Variants in FBXO33 observed in about 807,000 individuals in gnomAD.
FBXO33 encodes F-box protein 33.
A neutral mutation model predicts 46.3 loss-of-function variants in FBXO33; 22 were observed. The observed-to-expected ratio is 0.48, with a 90% CI of 0.34 to 0.68. The LOEUF (loss-of-function observed/expected upper bound fraction) is 0.68. Ranked by LOEUF, FBXO33 falls within the 30% of genes least tolerant of loss-of-function variation. The pLI is 0.01. For synonymous variants in FBXO33, 337 were observed against 291.3 expected (o/e 1.16, Z -1.60); for missense variants, 692 against 708.8 (o/e 0.98, Z 0.27).
chr14:39,427,150 C>G (rs1435925729), intron 1 of FBXO33, among the ~76,000 whole-genome samples: 1 of 152,204 alleles, frequency 6.6e-6, no homozygotes, highest in Non-Finnish European at 1.5e-5. Flanking sequence ...GCTTAACACC[C>G]TCATTTAACA....
rs549281709 is a variant in FBXO33, at chr14:39,421,640, CA to C, written c.599+9923del. The stretch of plus-strand genomic sequence containing the variant: ...CACAAAGTTTCTGGGAGCAATTAAA[CA>C]GACTAACCCAAATTTATATAACATG... On this transcript the variant is annotated intron_variant, in intron 1 of 3. Transcript: ENST00000298097. 3.8e-4 allele frequency among the ~76,000 whole-genome samples: 58 copies of C among 152,282 alleles called. No homozygotes were observed. The East Asian group carries it at 0.011, about 28-fold the overall frequency.
chr14:39,405,274 G>A (rs1420760682), intron 1 of FBXO33, among the ~76,000 whole-genome samples: 1 of 152,144 alleles, frequency 6.6e-6, no homozygotes, highest in African/African-American at 2.4e-5. Context: ...GAGAGATACT[G>A]GCACCTTGAA....
chr14:39,421,381 G>C (rs984159919), intron 1 of FBXO33, among the ~76,000 whole-genome samples: 1 of 152,082 alleles, frequency 6.6e-6, no homozygotes, highest in African/African-American at 2.4e-5. Flanking sequence ...TAGTACCACA[G>C]GTGATTAGAC....
intron 1 of FBXO33, among the ~76,000 whole-genome samples, chr14:39,425,014 T>C (rs994117465): frequency 5.3e-5 from 8 of 152,070 alleles, no homozygotes; most frequent in African/African-American, 1.9e-4. Context: ...ATCATGCCAC[T>C]GCACTCCAGC....
intron 1 of FBXO33, among the ~76,000 whole-genome samples, chr14:39,412,191 A>G (rs2075426598): frequency 1.3e-5 from 2 of 151,802 alleles, no homozygotes; most frequent in Admixed American, 6.6e-5. Context: ...ATTGTTGTTT[A>G]TTTTTCACTT....
chr14:39,417,936 T>C (rs903780635), intron 1 of FBXO33, among the ~76,000 whole-genome samples: 2 of 152,190 alleles, frequency 1.3e-5, no homozygotes, highest in Admixed American at 6.5e-5. Flanking sequence ...AAATACATGA[T>C]ATAATCAATG....
At chr14:39,405,219 C>G (rs967854092) in intron 1 of FBXO33, among the ~76,000 whole-genome samples, 6 of 151,080 alleles carry the variant, frequency 4.0e-5, no homozygotes, top group Non-Finnish European at 5.9e-5. Context: ...GATGCCAGAA[C>G]CAAAGTGGGG....
intron 1 of FBXO33, among the ~76,000 whole-genome samples, chr14:39,431,264 A>G (rs992466418): frequency 5.3e-5 from 8 of 152,166 alleles, no homozygotes; most frequent in Admixed American, 4.6e-4. Flanking sequence ...TATAAAATGA[A>G]AAGTGACAGC....
intron 1 of FBXO33, among the ~76,000 whole-genome samples, chr14:39,428,363 AC>A (rs530457188): frequency 2.8e-4 from 43 of 151,488 alleles, no homozygotes; most frequent in Non-Finnish European, 6.0e-4. Flanking sequence ...GCACTGCCAC[AC>A]CCGGCTATGT....
intron 1 of FBXO33, among the ~76,000 whole-genome samples, chr14:39,404,285 C>G (rs1222158133): frequency 6.6e-6 from 1 of 152,166 alleles, no homozygotes; most frequent in East Asian, 1.9e-4. Flanking sequence ...ATATTTGACA[C>G]TGTAAGGGAG....
intron 1 of FBXO33, among the ~76,000 whole-genome samples, chr14:39,428,078 G>GAT (rs1382224559): frequency 1.3e-5 from 2 of 152,072 alleles, no homozygotes; most frequent in Non-Finnish European, 2.9e-5. Flanking sequence ...TAACTTACAG[G>GAT]ATATATAAGC....
chr14:39,402,331 ATC>A (rs1473310180), intron 2 of FBXO33, 68 bp downstream of exon 2: 3 of 824,016 alleles, frequency 3.6e-6, no homozygotes, highest in Non-Finnish European at 5.4e-6. Flanking sequence ...TTCTGTTTGT[ATC>A]TCATAATTTC....
chr14:39,427,593 A>G (rs1178834309), intron 1 of FBXO33, among the ~76,000 whole-genome samples: 1 of 152,158 alleles, frequency 6.6e-6, no homozygotes, highest in Non-Finnish European at 1.5e-5. Context: ...GGCATTTTCT[A>G]CCATCTTAGG....
chr14:39,408,094 C>T (rs1173441587), intron 1 of FBXO33, among the ~76,000 whole-genome samples: 4 of 152,178 alleles, frequency 2.6e-5, no homozygotes, highest in African/African-American at 7.2e-5. Flanking sequence ...GTGTGCGCCA[C>T]CATGCCTGGC....
At chr14:39,431,494 A>C in intron 1 of FBXO33, 70 bp downstream of exon 1, 2 of 1,595,774 alleles carry the variant, frequency 1.3e-6, no homozygotes, top group Non-Finnish European at 1.7e-6. Context: ...TATGCACAGA[A>C]TCTGTGTCGG....
intron 1 of FBXO33, among the ~76,000 whole-genome samples, chr14:39,410,542 T>C (rs2075417701): frequency 6.6e-6 from 1 of 152,230 alleles, no homozygotes; most frequent in Non-Finnish European, 1.5e-5. Context: ...TCACATAAAA[T>C]GAGTTTAGAA....
chr14:39,404,333 T>G (rs79008208), intron 1 of FBXO33, among the ~76,000 whole-genome samples: 5,075 of 152,142 alleles, frequency 0.033, 295 homozygotes, highest in African/African-American at 0.11. Flanking sequence ...GGATCTTTTT[T>G]TTTGTTTGTT....
At chr14:39,415,855 C>A (rs1356270039) in intron 1 of FBXO33, among the ~76,000 whole-genome samples, 1 of 152,090 alleles carries the variant, frequency 6.6e-6, no homozygotes, top group African/African-American at 2.4e-5. Flanking sequence ...TTAGTAGAGA[C>A]AAGGTTTCAC....
chr14:39,401,300 A>G lies in FBXO33; in HGVS notation c.1272T>C (p.His424=). 1 of 1,614,176 alleles carries G rather than the reference A, an allele frequency of 6.2e-7. No homozygotes were observed. ...CAATCACATCATTCATTAAAATAAA[A>G]TGAGTGAGGAACTTGTCATATTGCC... ...ISRQYDKFLT[H]FILMNDVIDT... is the part of the protein sequence containing the mutation. The change falls in exon 3 of 4, where the codon CAT becomes CAC. Residue 424 remains histidine, a synonymous_variant. Coordinates refer to ENST00000298097, the MANE Select transcript of FBXO33 (RefSeq NM_203301.4).
Sources: gnomAD v4.1 joint callset for allele counts (sites outside exome capture counted in the v4.1 genomes callset) on GRCh38, gnomAD v4.1.1 for gene constraint, MANE v1.5 for transcripts, NCBI Gene and HGNC (gene_info 2026-07-23, HGNC 2026-07-21) for gene names.